Variants in COL4A3 observed in about 807,000 individuals in gnomAD.
COL4A3 encodes collagen alpha-3(IV) chain.
A neutral mutation model predicts 217.4 loss-of-function variants in COL4A3; 135 were observed. The ratio of observed to expected loss-of-function variants is 0.62; its 90% CI spans 0.54 to 0.72. COL4A3 has a LOEUF of 0.72. Ranked by LOEUF, COL4A3 falls within the 30% of genes least tolerant of loss-of-function variation. The probability of loss-of-function intolerance (pLI) is 0.00; values close to 1 mark genes in which losing one functional copy is unlikely to be tolerated. For synonymous variants in COL4A3, 690 were observed against 736.3 expected, an observed-to-expected ratio of 0.94 and a Z score of 1.02; for missense variants, 1,868 against 2,119.9, an observed-to-expected ratio of 0.88 and a Z score of 2.33.
intron 37 of COL4A3, among the ~76,000 whole-genome samples, chr2:227,291,451 T>C (rs1257940382): frequency 6.7e-6 from 1 of 149,816 alleles, no homozygotes; most frequent in African/African-American, 2.5e-5. Flanking sequence ...TAGTCCCAGC[T>C]ACTTGGGAGG....
At chr2:227,193,150 T>C (rs1278616166) in intron 1 of COL4A3, among the ~76,000 whole-genome samples, 2 of 152,192 alleles carry the variant, frequency 1.3e-5, no homozygotes, top group Non-Finnish European at 2.9e-5. Context: ...CAAGGATACA[T>C]CTTCATTCCC....
chr2:227,284,926 T>C (rs1324237820), intron 34 of COL4A3, among the ~76,000 whole-genome samples: 1 of 152,288 alleles, frequency 6.6e-6, no homozygotes, highest in East Asian at 1.9e-4. Context: ...ATTTGGGCCC[T>C]TTTTATGGCA....
intron 1 of COL4A3, among the ~76,000 whole-genome samples, chr2:227,172,810 C>T (rs992467265): frequency 1.8e-4 from 28 of 152,140 alleles, no homozygotes; most frequent in African/African-American, 6.7e-4. Flanking sequence ...TGATCTCAGA[C>T]TCCTGACCTC....
chr2:227,229,776 C>T (rs1314120454), intron 1 of COL4A3, among the ~76,000 whole-genome samples: 1 of 152,074 alleles, frequency 6.6e-6, no homozygotes, highest in Non-Finnish European at 1.5e-5. Context: ...CGGCCGGGCG[C>T]GGTGGCTCAC....
intron 1 of COL4A3, among the ~76,000 whole-genome samples, chr2:227,195,861 A>G (rs1362206849): frequency 6.6e-6 from 1 of 151,694 alleles, no homozygotes; most frequent in African/African-American, 2.4e-5. Flanking sequence ...GATGATCCCG[A>G]CCGTGTATAG....
chr2:227,259,162 T>A (rs2070384692), intron 18 of COL4A3: 1 of 152,224 alleles, frequency 6.6e-6, no homozygotes. Context: ...TAATTCTGTT[T>A]GCAGCTTCTA....
intron 1 of COL4A3, among the ~76,000 whole-genome samples, chr2:227,168,833 A>C (rs1052387182): frequency 2.0e-5 from 3 of 152,050 alleles, no homozygotes; most frequent in African/African-American, 7.2e-5. Context: ...TAGATGACAA[A>C]TCGTCCCAAC....
At chr2:227,173,073 A>G (rs1020963333) in intron 1 of COL4A3, among the ~76,000 whole-genome samples, 16 of 152,238 alleles carry the variant, frequency 1.1e-4, no homozygotes, top group Admixed American at 7.2e-4. Context: ...CTCAAGATGT[A>G]TTACAAACAT....
chr2:227,279,874 G>T lies in COL4A3; in HGVS notation c.2207G>T (p.Gly736Val), dbSNP rs773317939. 6.2e-7 allele frequency: 1 copy of T among 1,606,730 alleles called. No homozygotes were observed. The highest frequency in any genetic ancestry group is 8.5e-7 in the Non-Finnish European group (1 of 1,176,494). Residue 736 changes from glycine to valine, a missense_variant, in exon 29 of 52, where the codon GGC becomes GTC. Gly to Val is a moderately radical substitution (Grantham distance 109, BLOSUM62 -3). Transcript: ENST00000396578. ...GAGCCTGGGTTACCTGGAAAGCCAG[G>T]CCTCCCAGGAGCCAAGGTATGCAAA... ...MGEPGLPGKPGLPGAKGEPAV... is the reference protein window; with the variant it reads ...MGEPGLPGKPVLPGAKGEPAV...
intron 34 of COL4A3, among the ~76,000 whole-genome samples, chr2:227,285,889 AT>A (rs931594789): frequency 1.1e-4 from 16 of 152,238 alleles, no homozygotes; most frequent in African/African-American, 3.9e-4. Context: ...CAACAAAAAA[AT>A]AACCTGTATC....
intron 21 of COL4A3, 63 bp from the exon 22 acceptor site, chr2:227,266,354 A>G: frequency 8.3e-7 from 1 of 1,201,810 alleles, no homozygotes; most frequent in South Asian, 1.3e-5. Context: ...TACATATATT[A>G]CAATACTTGC....
chr2:227,308,829 T>C, intron 48 of COL4A3, 70 bp from the exon 49 acceptor site: 2 of 1,487,538 alleles, frequency 1.3e-6, no homozygotes, highest in Non-Finnish European at 1.9e-6. Context: ...TAAATTAGCT[T>C]CTCTCTAGTA....
intron 42 of COL4A3, among the ~76,000 whole-genome samples, chr2:227,298,333 CAGAACAAAACTGTATCAAA>C (rs2073125360): frequency 6.6e-6 from 1 of 151,344 alleles, no homozygotes; most frequent in Non-Finnish European, 1.5e-5. Flanking sequence ...GCCTGGGCAA[CAGAACAAAACTGTATCAAA>C]AAAAAATAAT....
intron 1 of COL4A3, among the ~76,000 whole-genome samples, chr2:227,197,231 T>G (rs1006667905): frequency 9.9e-5 from 15 of 152,110 alleles, no homozygotes; most frequent in East Asian, 1.9e-4. Flanking sequence ...TTGTTTGTTT[T>G]TTTGAGATGG....
In COL4A3 at chr2:227,263,812, G is replaced by A. The variant is rs1574727988; in HGVS notation, c.1183G>A (p.Gly395Arg). ...AAGGCCTGGCCTCAGAGGAGCCCCT[G>A]GATGGCCAGGCCTGAAAGGAAGTAA... is the stretch of plus-strand genomic sequence containing the variant. ...SSRPGLRGAP[G>R]WPGLKGSKGE... Residue 395 changes from glycine (G) to arginine (R), a missense_variant, in exon 21 of 52, where the codon GGA becomes AGA. Transcript: ENST00000396578. 1 of 1,614,018 alleles carries A rather than the reference G, an allele frequency of 6.2e-7. No homozygotes were observed. The highest frequency in any genetic ancestry group is 1.3e-5 in the African/African-American group (1 of 75,046).
chr2:227,213,625 CAG>C (rs535643308), intron 1 of COL4A3, among the ~76,000 whole-genome samples: 3 of 152,008 alleles, frequency 2.0e-5, no homozygotes, highest in Non-Finnish European at 4.4e-5. Context: ...TATAAATGGC[CAG>C]GCGCGGTGGC....
rs147675918 is a variant in COL4A3 at position 227,193,868 on chromosome 2, TAAG to T, written c.87+29056_87+29058del. ...AAGGAGAGGAGAAGGAGAAGGGAAA[TAAG>T]GAGAGAGGGAGGGAGGAAGGAAGGA... is the stretch of plus-strand genomic sequence containing the variant. On this transcript the variant is annotated intron_variant, in intron 1 of 51. Transcript: ENST00000396578. Among the ~76,000 whole-genome samples the T allele has an allele frequency of 1.4e-3, 4 of 2,802 alleles. 1 individual carries two copies. The highest frequency in any genetic ancestry group is 2.0e-3 in the Non-Finnish European group (3 of 1,512). 1.8% of individuals were successfully genotyped at this position (2,802 alleles called of 152,430 possible).
chr2:227,181,271 T>A (rs1458178921), intron 1 of COL4A3, among the ~76,000 whole-genome samples: 1 of 152,204 alleles, frequency 6.6e-6, no homozygotes, highest in Non-Finnish European at 1.5e-5. Flanking sequence ...ACAGCCTCCC[T>A]CAAATTCCAT....
rs753619367 is a variant in COL4A3, at chr2:227,164,847, C to T, written c.87+34C>T. 6.0e-5 allele frequency: 89 copies of T among 1,479,844 alleles called. 1 individual carries two copies. In the South Asian group the frequency reaches 8.1e-4, roughly 13 times the overall value. 91.7% of individuals were successfully genotyped at this position (1,479,844 alleles called of 1,614,324 possible). On this transcript the variant is annotated intron_variant, in intron 1 of 51. Coordinates refer to ENST00000396578, the MANE Select transcript of COL4A3 (RefSeq NM_000091.5). This position sits in a 1 kb window ranked among gnomAD's most constrained non-coding sequence, Gnocchi z 4.8. ...GGGCTGCGCGACCCCCACCCCCGCA[C>T]TTCCATCCCTCCTCCACGCGTCCGG...
Sources: gnomAD v4.1 joint callset for allele counts (sites outside exome capture counted in the v4.1 genomes callset) on GRCh38, gnomAD v4.1.1 for gene constraint, Gnocchi (gnomAD v3.1) non-coding constraint, MANE v1.5 for transcripts, NCBI Gene and HGNC (gene_info 2026-07-23, HGNC 2026-07-21) for gene names.